Variants in ENTREP2 observed in about 807,000 individuals in gnomAD.
ENTREP2 encodes protein ENTREP2.
chr15:29,158,418 T>C, the ENTREP2 span, among the ~76,000 whole-genome samples: 1 of 151,214 alleles, frequency 6.6e-6, no homozygotes, highest in African/African-American at 2.4e-5. Context: ...TTTTTTTTTT[T>C]TTTTTGAGAT....
At chr15:29,345,488 T>C in the ENTREP2 span, among the ~76,000 whole-genome samples, 1 of 152,080 alleles carries the variant, frequency 6.6e-6, no homozygotes, top group Non-Finnish European at 1.5e-5. Context: ...CAAGGCCCCT[T>C]CTACCCCTGC....
the ENTREP2 span, among the ~76,000 whole-genome samples, chr15:29,146,914 G>A: frequency 6.6e-6 from 1 of 151,868 alleles, no homozygotes; most frequent in Non-Finnish European, 1.5e-5. Context: ...CAGCCTGGGT[G>A]ACAGAGCAAG....
the ENTREP2 span, among the ~76,000 whole-genome samples, chr15:29,222,634 G>A: frequency 3.9e-5 from 6 of 152,064 alleles, no homozygotes; most frequent in South Asian, 4.2e-4. Context: ...TGCATCTCCC[G>A]TCACTCATGC....
chr15:29,206,040 G>C, the ENTREP2 span, among the ~76,000 whole-genome samples: 1 of 152,144 alleles, frequency 6.6e-6, no homozygotes, highest in African/African-American at 2.4e-5. Flanking sequence ...CACAACACCA[G>C]CCCCAATGAC....
chr15:29,427,120 T>C, the ENTREP2 span, among the ~76,000 whole-genome samples: 1 of 152,244 alleles, frequency 6.6e-6, no homozygotes, highest in Non-Finnish European at 1.5e-5. Flanking sequence ...ATTTCTGCTC[T>C]ATAATTAAAA....
At chr15:29,502,599 T>A in the ENTREP2 span, among the ~76,000 whole-genome samples, 2 of 151,922 alleles carry the variant, frequency 1.3e-5, no homozygotes, top group African/African-American at 4.8e-5. Flanking sequence ...TTGAACCTCA[T>A]CGATATTTAA....
chr15:29,224,225 C>T, the ENTREP2 span, among the ~76,000 whole-genome samples: 2 of 151,988 alleles, frequency 1.3e-5, no homozygotes, highest in African/African-American at 4.8e-5. Flanking sequence ...TGGAGTTGTT[C>T]GTTCCTCCCG....
the ENTREP2 span, among the ~76,000 whole-genome samples, chr15:29,145,393 T>C: frequency 6.6e-6 from 1 of 151,716 alleles, no homozygotes; most frequent in East Asian, 1.9e-4. Context: ...GAGGCCGAGG[T>C]GGGCAGATCA....
At chr15:29,504,297 C>T in the ENTREP2 span, among the ~76,000 whole-genome samples, 3 of 152,114 alleles carry the variant, frequency 2.0e-5, no homozygotes, top group Non-Finnish European at 4.4e-5. Context: ...CAGAAGGGCA[C>T]TCTATAGAGG....
chr15:29,168,576 A>G, the ENTREP2 span, among the ~76,000 whole-genome samples: 1 of 152,240 alleles, frequency 6.6e-6, no homozygotes, highest in Non-Finnish European at 1.5e-5. Flanking sequence ...GCGGGCTTAA[A>G]TACTGATCCT....
chr15:29,542,077 C>T, the ENTREP2 span, among the ~76,000 whole-genome samples: 4 of 152,124 alleles, frequency 2.6e-5, no homozygotes, highest in Admixed American at 2.0e-4. Context: ...GGTGCGATCT[C>T]GGTTCACTGC....
the ENTREP2 span, among the ~76,000 whole-genome samples, chr15:29,324,336 C>A: frequency 7.9e-5 from 12 of 152,072 alleles, no homozygotes; most frequent in Non-Finnish European, 2.9e-5. Flanking sequence ...CCTACCTTGG[C>A]CTCCCAAAGT....
chr15:29,325,723 A>T, the ENTREP2 span, among the ~76,000 whole-genome samples: 1 of 152,192 alleles, frequency 6.6e-6, no homozygotes, highest in Non-Finnish European at 1.5e-5. Flanking sequence ...AAACAGAAGC[A>T]GAGGGAACGC....
chr15:29,130,031 C>A, the ENTREP2 span, among the ~76,000 whole-genome samples: 2 of 152,234 alleles, frequency 1.3e-5, no homozygotes, highest in East Asian at 3.9e-4. Context: ...CCTTATCTCC[C>A]GCCACTTCAA....
the ENTREP2 span, among the ~76,000 whole-genome samples, chr15:29,282,518 A>G: frequency 6.6e-6 from 1 of 152,146 alleles, no homozygotes. Context: ...TCCATCAAGG[A>G]GTTTTCTCCC....
the ENTREP2 span, among the ~76,000 whole-genome samples, chr15:29,449,339 C>T: frequency 3.9e-5 from 6 of 152,196 alleles, no homozygotes; most frequent in Non-Finnish European, 8.8e-5. Context: ...AGCTGAGGTG[C>T]TGGCCATGGT....
the ENTREP2 span, among the ~76,000 whole-genome samples, chr15:29,339,490 A>G: frequency 1.3e-5 from 2 of 152,208 alleles, no homozygotes; most frequent in African/African-American, 4.8e-5. Flanking sequence ...TGTGAAGTGA[A>G]GACAGAAAGA....
the ENTREP2 span, among the ~76,000 whole-genome samples, chr15:29,448,448 C>T: frequency 1.3e-5 from 2 of 152,336 alleles, no homozygotes; most frequent in Non-Finnish European, 2.9e-5. Context: ...GCTCTGACTG[C>T]CTGTTGCTTA....
At chr15:29,267,195 C>G in the ENTREP2 span, 1 of 152,114 alleles carries the variant, frequency 6.6e-6, no homozygotes, top group Non-Finnish European at 1.5e-5. Flanking sequence ...AATGACATTC[C>G]GTCCAGTGTT....
Sources: gnomAD v4.1 joint callset for allele counts (sites outside exome capture counted in the v4.1 genomes callset) on GRCh38, gnomAD v4.1.1 for gene constraint, MANE v1.5 for transcripts, NCBI Gene and HGNC (gene_info 2026-07-23, HGNC 2026-07-21) for gene names.